The following PRDM5 variants were observed in gnomAD, a reference collection of about 807,000 sequenced individuals.
The protein encoded by PRDM5 is PR/SET domain 5, also known as PR domain zinc finger protein 5.
A neutral mutation model predicts 81.2 loss-of-function variants in PRDM5; 56 were observed. The ratio of observed to expected loss-of-function variants is 0.69; its 90% CI spans 0.56 to 0.86. The LOEUF (loss-of-function observed/expected upper bound fraction) is 0.86, where lower values mean the gene tolerates loss of function less well. Ranked by LOEUF, PRDM5 falls within the 40% of genes least tolerant of loss-of-function variation. The pLI is 0.00. For missense variants in PRDM5, 697 were observed against 770.1 expected, an observed-to-expected ratio of 0.91 and a Z score of 1.12; for synonymous variants, 267 against 256.4, an observed-to-expected ratio of 1.04 and a Z score of -0.39.
intron 2 of PRDM5, among the ~76,000 whole-genome samples, chr4:120,864,065 C>T (rs538737052): frequency 2.5e-4 from 38 of 152,154 alleles, no homozygotes; most frequent in Non-Finnish European, 5.4e-4. Flanking sequence ...GTTAGCTTCT[C>T]AGTAATAATA....
chr4:120,897,110 T>C (rs1021224176), intron 2 of PRDM5: 2 of 152,084 alleles, frequency 1.3e-5, no homozygotes, highest in African/African-American at 4.8e-5. Flanking sequence ...AACAATGCTG[T>C]TAGCCTTAGC....
intron 2 of PRDM5, among the ~76,000 whole-genome samples, chr4:120,899,641 A>T (rs1379066577): frequency 6.6e-6 from 1 of 152,120 alleles, no homozygotes; most frequent in African/African-American, 2.4e-5. Context: ...CCCCCATCAC[A>T]CACCAAGCAA....
At chr4:120,904,622 A>G (rs1472444416) in intron 2 of PRDM5, among the ~76,000 whole-genome samples, 2 of 152,206 alleles carry the variant, frequency 1.3e-5, no homozygotes, top group East Asian at 1.9e-4. Flanking sequence ...TAGTGTGAAA[A>G]CAAAATAATA....
chr4:120,760,059 T>A (rs1745375130), intron 13 of PRDM5, among the ~76,000 whole-genome samples: 1 of 152,204 alleles, frequency 6.6e-6, no homozygotes, highest in Admixed American at 6.5e-5. Flanking sequence ...AGTAATTTTC[T>A]CAAGATGACA....
chr4:120,891,213 AT>A (rs1764006618), intron 2 of PRDM5, among the ~76,000 whole-genome samples: 1 of 152,132 alleles, frequency 6.6e-6, no homozygotes, highest in African/African-American at 2.4e-5. Flanking sequence ...TTCTAAACTC[AT>A]TATTGAATCT....
intron 12 of PRDM5, among the ~76,000 whole-genome samples, chr4:120,780,672 G>A (rs1748908576): frequency 6.6e-6 from 1 of 151,936 alleles, no homozygotes; most frequent in Non-Finnish European, 1.5e-5. Context: ...TCCCCATTCT[G>A]TACCAGAAAC....
At chr4:120,842,136 G>T (rs1758110876) in intron 3 of PRDM5, among the ~76,000 whole-genome samples, 1 of 152,072 alleles carries the variant, frequency 6.6e-6, no homozygotes, top group Non-Finnish European at 1.5e-5. Flanking sequence ...CTTGTCTGTG[G>T]TTATATCTGT....
chr4:120,805,898 G>C (rs749035959), intron 8 of PRDM5, among the ~76,000 whole-genome samples: 2 of 152,206 alleles, frequency 1.3e-5, no homozygotes, highest in Non-Finnish European at 2.9e-5. Flanking sequence ...ATTAGGAAAA[G>C]AGGAAGTCAA....
intron 2 of PRDM5, among the ~76,000 whole-genome samples, chr4:120,885,134 CAAAAAAAAAA>C (rs60623556): frequency 3.9e-5 from 2 of 50,708 alleles, no homozygotes; most frequent in Non-Finnish European, 8.2e-5. Flanking sequence ...GACTCCGTAT[CAAAAAAAAAA>C]AAAAAAAAAA....
chr4:120,779,370 A>G (rs978383564), intron 12 of PRDM5, among the ~76,000 whole-genome samples: 1 of 152,182 alleles, frequency 6.6e-6, no homozygotes, highest in Non-Finnish European at 1.5e-5. Context: ...CTGTGTGACT[A>G]TTATTGCAGA....
At chr4:120,903,516 G>C (rs1451054036) in intron 2 of PRDM5, among the ~76,000 whole-genome samples, 1 of 152,204 alleles carries the variant, frequency 6.6e-6, no homozygotes, top group Non-Finnish European at 1.5e-5. Context: ...AATTCTAAAA[G>C]TGTTGTTCTT....
At chr4:120,919,150 A>G (rs1018061021) in intron 1 of PRDM5, among the ~76,000 whole-genome samples, 1 of 152,176 alleles carries the variant, frequency 6.6e-6, no homozygotes, top group Admixed American at 6.5e-5. Flanking sequence ...TGACCCTCCT[A>G]AAGTAGACCC....
intron 3 of PRDM5, chr4:120,838,648 A>T (rs1757634369): frequency 6.6e-6 from 1 of 152,240 alleles, no homozygotes; most frequent in Admixed American, 6.5e-5. Context: ...GATTCTCATA[A>T]GGAACACACA....
At chr4:120,809,137 G>A (rs1279780224) in intron 8 of PRDM5, among the ~76,000 whole-genome samples, 17 of 152,030 alleles carry the variant, frequency 1.1e-4, no homozygotes, top group South Asian at 2.1e-4. Flanking sequence ...TCTCATTATC[G>A]CAAGGACAAA....
At chr4:120,809,228 C>A (rs1753475895) in intron 8 of PRDM5, among the ~76,000 whole-genome samples, 1 of 147,912 alleles carries the variant, frequency 6.8e-6, no homozygotes, top group African/African-American at 2.5e-5. Context: ...GAACATCACA[C>A]ACCAGGGCCT....
chr4:120,813,244 GCAC>G (rs1291642369), intron 7 of PRDM5, among the ~76,000 whole-genome samples: 2 of 152,090 alleles, frequency 1.3e-5, no homozygotes, highest in African/African-American at 2.4e-5. Flanking sequence ...AATATCAAAT[GCAC>G]CACAATGAAT....
At chr4:120,881,755 C>T (rs747340971) in intron 2 of PRDM5, among the ~76,000 whole-genome samples, 5 of 151,984 alleles carry the variant, frequency 3.3e-5, no homozygotes, top group Non-Finnish European at 7.4e-5. Context: ...CACCTAAAGC[C>T]AAAAAATAAA....
intron 15 of PRDM5, among the ~76,000 whole-genome samples, chr4:120,702,006 T>C (rs1735450345): frequency 6.6e-6 from 1 of 152,162 alleles, no homozygotes; most frequent in African/African-American, 2.4e-5. Flanking sequence ...AGGAAATGTT[T>C]GGAATTGTGG....
intron 15 of PRDM5, among the ~76,000 whole-genome samples, chr4:120,703,613 TCA>T (rs1735690200): frequency 6.6e-6 from 1 of 152,146 alleles, no homozygotes; most frequent in African/African-American, 2.4e-5. Flanking sequence ...CTTACAACTT[TCA>T]CCATGTTCCA....
Sources: gnomAD v4.1 joint callset for allele counts (sites outside exome capture counted in the v4.1 genomes callset) on GRCh38, gnomAD v4.1.1 for gene constraint, MANE v1.5 for transcripts, NCBI Gene and HGNC (gene_info 2026-07-23, HGNC 2026-07-21) for gene names.